LRP1B: variants seen among roughly 807,000 people sequenced by gnomAD.
LRP1B encodes the protein low-density lipoprotein receptor-related protein 1B.
A neutral mutation model predicts 556.6 loss-of-function variants in LRP1B; 217 were observed. That is an observed-to-expected ratio of 0.39 (90% CI 0.35 to 0.44). The LOEUF (loss-of-function observed/expected upper bound fraction) is 0.44. Among genes scored for constraint, LRP1B ranks in the 20% least tolerant of loss-of-function variants. LRP1B has a pLI of 1.00. For synonymous variants in LRP1B, 2,047 were observed against 1,865.8 expected, an observed-to-expected ratio of 1.10 and a Z score of -2.50; for missense variants, 5,053 against 5,620.8, an observed-to-expected ratio of 0.90 and a Z score of 3.23.
At chr2:140,355,472 A>G (rs2105127689) in intron 75 of LRP1B, among the ~76,000 whole-genome samples, 1 of 152,018 alleles carries the variant, frequency 6.6e-6, no homozygotes, top group East Asian at 1.9e-4. Flanking sequence ...ACATGACGTG[A>G]CTACACTTTT....
intron 3 of LRP1B, among the ~76,000 whole-genome samples, chr2:141,393,072 G>A (rs1006151139): frequency 3.9e-5 from 6 of 152,100 alleles, no homozygotes; most frequent in African/African-American, 7.2e-5. Flanking sequence ...AGGATTCTGT[G>A]GAGCACCCAT....
intron 2 of LRP1B, among the ~76,000 whole-genome samples, chr2:141,773,969 T>G (rs761441243): frequency 2.0e-5 from 3 of 152,222 alleles, no homozygotes; most frequent in African/African-American, 7.2e-5. Context: ...CCTTTTGCTT[T>G]TCTCAAAAAT....
chr2:140,527,163 T>A (rs1213834114), intron 47 of LRP1B, among the ~76,000 whole-genome samples: 1 of 152,010 alleles, frequency 6.6e-6, no homozygotes, highest in Non-Finnish European at 1.5e-5. Context: ...ATCTTATTTT[T>A]AACCATATGT....
intron 19 of LRP1B, among the ~76,000 whole-genome samples, chr2:140,950,810 T>C (rs1695691689): frequency 6.6e-6 from 1 of 151,726 alleles, no homozygotes; most frequent in Non-Finnish European, 1.5e-5. Flanking sequence ...TATTTATTTA[T>C]TTCCTATATA....
At chr2:141,055,937 T>C (rs1468998437) in intron 9 of LRP1B, among the ~76,000 whole-genome samples, 2 of 150,826 alleles carry the variant, frequency 1.3e-5, no homozygotes, top group Admixed American at 6.6e-5. Flanking sequence ...GTAAGAAAAG[T>C]ACTATATGGA....
At chr2:142,082,561 C>G (rs1317101735) in intron 1 of LRP1B, among the ~76,000 whole-genome samples, 1 of 152,160 alleles carries the variant, frequency 6.6e-6, no homozygotes, top group Non-Finnish European at 1.5e-5. Flanking sequence ...TGACTCGTGT[C>G]CCAGGTGGCG....
intron 1 of LRP1B, among the ~76,000 whole-genome samples, chr2:141,820,456 A>G (rs868292739): frequency 1.3e-5 from 2 of 152,192 alleles, no homozygotes; most frequent in African/African-American, 4.8e-5. Context: ...TGGCTTATTG[A>G]AAAATAAACC....
At chr2:141,946,929 C>A (rs1463891317) in intron 1 of LRP1B, among the ~76,000 whole-genome samples, 1 of 152,052 alleles carries the variant, frequency 6.6e-6, no homozygotes, top group East Asian at 1.9e-4. Context: ...TTTAAAAAAA[C>A]CAAGAACAAA....
intron 2 of LRP1B, among the ~76,000 whole-genome samples, chr2:141,674,307 T>C (rs355548): frequency 0.98 from 148,767 of 152,158 alleles, 72,802 homozygotes; most frequent in East Asian, 1. Flanking sequence ...CTGTTAATAA[T>C]CATTTTAAGA....
intron 1 of LRP1B, among the ~76,000 whole-genome samples, chr2:142,093,590 G>T (rs1706252634): frequency 6.6e-6 from 1 of 152,018 alleles, no homozygotes; most frequent in Non-Finnish European, 1.5e-5. Context: ...AACCAGAAAG[G>T]CAAGGCAGTG....
At chr2:140,272,005 CTCA>C (rs1425572730) in intron 85 of LRP1B, among the ~76,000 whole-genome samples, 2 of 151,858 alleles carry the variant, frequency 1.3e-5, no homozygotes, top group African/African-American at 4.8e-5. Context: ...TTTATCAAAT[CTCA>C]TCATCTAAAA....
rs928837232 is a variant in LRP1B, at chr2:142,088,902, C to T, written c.82+41746G>A. Among the ~76,000 whole-genome samples the T allele has an allele frequency of 2.8e-5, 4 of 144,478 alleles. No homozygotes were observed. The East Asian group carries it at 6.0e-4, about 22-fold the overall frequency. 94.8% of individuals were successfully genotyped at this position (144,478 alleles called of 152,430 possible). On this transcript the variant is annotated intron_variant, in intron 1 of 90. Transcript: ENST00000389484. ...AGGCAGGAGAATGGCATGAACCTGG[C>T]AGGCGGAGCTTGCAGTGAGCCGAGA...
At chr2:142,086,634 AACAAAC>A (rs1350934088) in intron 1 of LRP1B, among the ~76,000 whole-genome samples, 244 of 31,108 alleles carry the variant, frequency 7.8e-3, no homozygotes, top group Non-Finnish European at 0.019. Context: ...CAAACAAACA[AACAAAC>A]AAAAAAAAAA....
Position 140,813,825 on chromosome 2 carries a change from A to G in LRP1B, c.5210-19T>C. ...GATAGACCTGTAATTAAATTTTACA[A>G]CTTAAACATAATGATAGCCACTTAA... On this transcript the variant is annotated intron_variant, in intron 31 of 90. Coordinates refer to ENST00000389484, the MANE Select transcript of LRP1B (RefSeq NM_018557.3). The G allele has an allele frequency of 6.4e-7, 1 of 1,567,764 alleles. No individual in the cohort carries two copies. Among genetic ancestry groups the G allele is most frequent in the Non-Finnish European group, 8.7e-7 (1 of 1,145,230 alleles).
intron 21 of LRP1B, among the ~76,000 whole-genome samples, chr2:140,910,754 A>G (rs2380945): frequency 0.81 from 122,674 of 151,624 alleles, 49,997 homozygotes; most frequent in East Asian, 0.95. Context: ...CATCCTTCCT[A>G]CTCTATTAGA....
intron 72 of LRP1B, 85 bp downstream of exon 72, chr2:140,364,576 G>A (rs907773388): frequency 6.7e-7 from 1 of 1,498,530 alleles, no homozygotes; most frequent in Non-Finnish European, 9.1e-7. Flanking sequence ...ATAATTGGTA[G>A]TTCACCTCCC....
At chr2:140,349,251 C>T (rs1201559222) in intron 77 of LRP1B, among the ~76,000 whole-genome samples, 1 of 152,018 alleles carries the variant, frequency 6.6e-6, no homozygotes, top group African/African-American at 2.4e-5. Context: ...AAATCAAAGA[C>T]TTTTCTCTGA....
At position 141,312,695 on chromosome 2, in the gene LRP1B, C is replaced by CTTT. The variant is rs112865731; in HGVS notation, c.344-58057_344-58055dup. Among the ~76,000 whole-genome samples, 31 of 147,658 alleles carry CTTT rather than the reference C, an allele frequency of 2.1e-4. 1 individual carries two copies. Among genetic ancestry groups the CTTT allele is most frequent in the East Asian group, 6.0e-4 (3 of 5,028 alleles). ...AGAATTTTGAAGATTATTGATAATT[C>CTTT]TTTTTTTTTTTGTGATGAAGTCTTG... On this transcript the variant is annotated intron_variant, in intron 3 of 90. Transcript: ENST00000389484.
chr2:141,785,597 G>A (rs916738161), intron 2 of LRP1B, among the ~76,000 whole-genome samples: 1 of 151,384 alleles, frequency 6.6e-6, no homozygotes, highest in African/African-American at 2.4e-5. Flanking sequence ...GATGGCAGTA[G>A]TAAAGATGGT....
Sources: allele counts gnomAD v4.1 joint callset (sites outside exome capture counted in the v4.1 genomes callset), GRCh38; gene constraint gnomAD v4.1.1; transcripts MANE v1.5; gene names NCBI Gene and HGNC (gene_info 2026-07-23, HGNC 2026-07-21).